ATXN10: variants seen among roughly 807,000 people sequenced by gnomAD.
ATXN10 encodes the protein ataxin-10.
Under a neutral mutation model 52.9 loss-of-function variants are expected in ATXN10, and 28 were observed. The observed-to-expected ratio is 0.53, with a 90% CI of 0.39 to 0.73. The LOEUF (loss-of-function observed/expected upper bound fraction) is 0.73, where lower values mean the gene tolerates loss of function less well. Among genes scored for constraint, ATXN10 ranks in the 30% least tolerant of loss-of-function variants. ATXN10 has a pLI of 0.00. For missense variants in ATXN10, 565 were observed against 577.0 expected, an observed-to-expected ratio of 0.98 and a Z score of 0.21; for synonymous variants, 226 against 221.5, an observed-to-expected ratio of 1.02 and a Z score of -0.18.
At position 45,690,423 on chromosome 22, in the gene ATXN10, TTTAACA is replaced by T. The variant is rs1449037961; in HGVS notation, c.308+524_308+529del. Among the ~76,000 whole-genome samples the T allele has an allele frequency of 2.6e-5, 4 of 152,328 alleles. No individual in the cohort carries two copies. The highest frequency in any genetic ancestry group is 9.6e-5 in the African/African-American group (4 of 41,570). ...CTAGTGTATAAAATAATGGAGTGTG[TTTAACA>T]TTAGGGGTTAGATTTCTTGTTTGTT... is the stretch of plus-strand genomic sequence containing the variant. On this transcript the variant is annotated intron_variant, in intron 2 of 11. Transcript: ENST00000252934. This position sits in a 1 kb window ranked among gnomAD's most constrained non-coding sequence, Gnocchi z 4.5.
At chr22:45,698,599 T>A (rs998567275) in intron 3 of ATXN10, among the ~76,000 whole-genome samples, 4 of 152,232 alleles carry the variant, frequency 2.6e-5, no homozygotes, top group Admixed American at 6.5e-5. Flanking sequence ...ATATGGAACA[T>A]CTCTCTATTT....
intron 9 of ATXN10, among the ~76,000 whole-genome samples, chr22:45,755,117 C>T (rs1334019932): frequency 6.6e-6 from 1 of 152,216 alleles, no homozygotes; most frequent in East Asian, 1.9e-4. Flanking sequence ...CAGAGGAAAT[C>T]TCCAACCCTC....
chr22:45,831,414 C>T (rs964330784), intron 10 of ATXN10, among the ~76,000 whole-genome samples: 1 of 152,088 alleles, frequency 6.6e-6, no homozygotes, highest in African/African-American at 2.4e-5. Context: ...TAGGCAGCAA[C>T]TGTACCTCAG....
intron 10 of ATXN10, among the ~76,000 whole-genome samples, chr22:45,829,499 A>G (rs1928921213): frequency 6.6e-6 from 1 of 152,210 alleles, no homozygotes; most frequent in South Asian, 2.1e-4. Context: ...TCATACACAA[A>G]AACCATTAAA....
rs956873543 is a variant in ATXN10, at chr22:45,837,932, C to T, written c.1238-5059C>T. Reference sequence around the variant, plus strand: ...GCTGACCCCTGTTCTTAGCAGTCTTCTAAACACCGACAGAGCAGTGACCAG... The same window carrying T: ...GCTGACCCCTGTTCTTAGCAGTCTTTTAAACACCGACAGAGCAGTGACCAG... On this transcript the variant is annotated intron_variant, in intron 10 of 11. Coordinates refer to ENST00000252934, the MANE Select transcript of ATXN10 (RefSeq NM_013236.4). This position sits in a 1 kb window ranked among gnomAD's most constrained non-coding sequence, Gnocchi z 5.8. Among the ~76,000 whole-genome samples the T allele has an allele frequency of 1.3e-5, 2 of 152,218 alleles. No homozygotes were observed. The highest frequency in any genetic ancestry group is 2.9e-5 in the Non-Finnish European group (2 of 68,046).
rs150209616 is a variant in ATXN10 at position 45,770,500 on chromosome 22, C to T, written c.1173+29962C>T. 3.2e-4 allele frequency among the ~76,000 whole-genome samples: 49 copies of T among 152,288 alleles called. No homozygotes were observed. The South Asian group carries it at 3.7e-3, about 12-fold the overall frequency. On this transcript the variant is annotated intron_variant, in intron 9 of 11. Coordinates refer to ENST00000252934, the MANE Select transcript of ATXN10 (RefSeq NM_013236.4). The surrounding 1 kb of genome is among the most constrained non-coding windows in gnomAD (Gnocchi z 4.5). The stretch of plus-strand genomic sequence containing the variant: ...GGTTGCAATGCATATGTGTTTCTTA[C>T]GATCAGATAAATTCAAAGAAAGTTT...
At chr22:45,802,566 T>G (rs985188833) in intron 9 of ATXN10, among the ~76,000 whole-genome samples, 4 of 152,178 alleles carry the variant, frequency 2.6e-5, no homozygotes, top group African/African-American at 4.8e-5. Context: ...CCAGAATAGG[T>G]CATTTATGTT....
At chr22:45,827,080 G>A (rs975911288) in intron 10 of ATXN10, among the ~76,000 whole-genome samples, 25 of 151,110 alleles carry the variant, frequency 1.7e-4, no homozygotes, top group Non-Finnish European at 2.9e-5. Context: ...GCATAAATTA[G>A]AATTAGAGTA....
In ATXN10 at chr22:45,689,904, G is replaced by T; in HGVS notation, c.308+1G>T. On this transcript the variant is annotated splice_donor_variant, in intron 2 of 11. Coordinates refer to ENST00000252934, the MANE Select transcript of ATXN10 (RefSeq NM_013236.4). LOFTEE classifies it high-confidence loss of function. The stretch of plus-strand genomic sequence containing the variant: ...GTTCTGTGAACCAGAATTCAATCAG[G>T]TAGTTACACACGTACCTTGGATTCT... The T allele has an allele frequency of 6.2e-7, 1 of 1,613,852 alleles. No individual in the cohort carries two copies. The highest frequency in any genetic ancestry group is 8.5e-7 in the Non-Finnish European group (1 of 1,179,870).
Position 45,816,072 on chromosome 22 carries a change from A to AAACT in ATXN10, c.1237+9051_1237+9054dup, listed in dbSNP as rs1928450559. On this transcript the variant is annotated intron_variant, in intron 10 of 11. Coordinates refer to ENST00000252934, the MANE Select transcript of ATXN10 (RefSeq NM_013236.4). The surrounding 1 kb of genome is among the most constrained non-coding windows in gnomAD (Gnocchi z 5.8). ...TGAGACCAGCCTAGTCAACATGGTG[A>AAACT]AACTGTCTCTCCTAAAAATACAAAA... Among the ~76,000 whole-genome samples, 1 of 151,992 alleles carries AAACT rather than the reference A, an allele frequency of 6.6e-6. No individual in the cohort carries two copies. Among genetic ancestry groups the AAACT allele is most frequent in the Non-Finnish European group, 1.5e-5 (1 of 68,002 alleles).
At chr22:45,771,497 A>G (rs1601636031) in intron 9 of ATXN10, among the ~76,000 whole-genome samples, 2 of 149,688 alleles carry the variant, frequency 1.3e-5, no homozygotes, top group South Asian at 4.3e-4. Flanking sequence ...GCTCACTACA[A>G]CCTCTGCCTC....
At position 45,683,242 on chromosome 22, in the gene ATXN10, T is replaced by C. The variant is rs1476982291; in HGVS notation, c.117-6470T>C. On this transcript the variant is annotated intron_variant, in intron 1 of 11. Transcript: ENST00000252934. The surrounding 1 kb of genome is among the most constrained non-coding windows in gnomAD (Gnocchi z 4.8). ...GCTGAGGCATGAGAATTGCTTGAACTTGGGAGGCGGGGGTTGCAGTGAGCT... is the reference window on the plus strand; with the variant it reads ...GCTGAGGCATGAGAATTGCTTGAACCTGGGAGGCGGGGGTTGCAGTGAGCT... Among the ~76,000 whole-genome samples the C allele has an allele frequency of 3.9e-5, 6 of 152,108 alleles. No individual in the cohort carries two copies. In the East Asian group the frequency reaches 1.2e-3, roughly 29 times the overall value.
chr22:45,740,739 C>CGT lies in ATXN10; in HGVS notation c.1173+216_1173+217dup, dbSNP rs67459281. On this transcript the variant is annotated intron_variant, in intron 9 of 11. Transcript: ENST00000252934. Reference sequence around the variant, plus strand: ...ACACACATATATATACACACACACACGTGTGTGTGTGTGTGTATATATATA... The same window carrying CGT: ...ACACACATATATATACACACACACACGTGTGTGTGTGTGTGTGTATATATATA... The CGT allele has an allele frequency of 0.35, 114,399 of 330,320 alleles. 22,961 individuals carry two copies. Among genetic ancestry groups the CGT allele is most frequent in the Admixed American group, 0.39 (8,641 of 21,946 alleles). 20.5% of individuals were successfully genotyped at this position (330,320 alleles called of 1,614,324 possible).
At chr22:45,751,740 G>GAAA (rs200364242) in intron 9 of ATXN10, among the ~76,000 whole-genome samples, 3 of 45,474 alleles carry the variant, frequency 6.6e-5, no homozygotes, top group South Asian at 6.5e-4. Context: ...CCTTTTTCTG[G>GAAA]AAAAAAAAAA....
chr22:45,804,625 T>G (rs1361959327), intron 9 of ATXN10, among the ~76,000 whole-genome samples: 2 of 152,224 alleles, frequency 1.3e-5, no homozygotes, highest in Non-Finnish European at 2.9e-5. Flanking sequence ...TATATCTCAC[T>G]AGGGATGTAA....
chr22:45,834,423 A>C lies in ATXN10; in HGVS notation c.1238-8568A>C, dbSNP rs567564290. 5.9e-5 allele frequency among the ~76,000 whole-genome samples: 9 copies of C among 152,272 alleles called. No homozygotes were observed. The South Asian group carries it at 1.9e-3, about 32-fold the overall frequency. On this transcript the variant is annotated intron_variant, in intron 10 of 11. Coordinates refer to ENST00000252934, the MANE Select transcript of ATXN10 (RefSeq NM_013236.4). ...TCCCCTGCCACCATCTGGGCAGTGA[A>C]GCTCTGCCGGTGTGCTACTGGCAGT...
rs910333547 is a variant in ATXN10 at position 45,705,634 on chromosome 22, C to T, written c.647+2787C>T. Among the ~76,000 whole-genome samples the T allele has an allele frequency of 4.6e-5, 7 of 152,098 alleles. No homozygotes were observed. Among genetic ancestry groups the T allele is most frequent in the Non-Finnish European group, 8.8e-5 (6 of 68,018 alleles). Reference sequence around the variant, plus strand: ...TATTTTTAGTAGAGACGGGGTTTCACCATCTTGGCCAGGTTGGTATTGAAC... The same window carrying T: ...TATTTTTAGTAGAGACGGGGTTTCATCATCTTGGCCAGGTTGGTATTGAAC... On this transcript the variant is annotated intron_variant, in intron 5 of 11. Coordinates refer to ENST00000252934, the MANE Select transcript of ATXN10 (RefSeq NM_013236.4). The surrounding 1 kb of genome is among the most constrained non-coding windows in gnomAD (Gnocchi z 5.2).
At chr22:45,697,564 A>G (rs1012167766) in intron 3 of ATXN10, among the ~76,000 whole-genome samples, 1 of 152,160 alleles carries the variant, frequency 6.6e-6, no homozygotes, top group Non-Finnish European at 1.5e-5. Flanking sequence ...CTTCATATAA[A>G]TGGAATCATA....
At chr22:45,723,425 A>G (rs1924740936) in intron 6 of ATXN10, among the ~76,000 whole-genome samples, 2 of 151,882 alleles carry the variant, frequency 1.3e-5, no homozygotes, top group African/African-American at 4.8e-5. Context: ...TTTTGGTCAC[A>G]TGGATGGGTT....
Sources: allele counts gnomAD v4.1 joint callset (sites outside exome capture counted in the v4.1 genomes callset), GRCh38; gene constraint gnomAD v4.1.1; non-coding constraint Gnocchi (gnomAD v3.1); transcripts MANE v1.5; gene names NCBI Gene and HGNC (gene_info 2026-07-23, HGNC 2026-07-21).